The following STK33 variants were observed in gnomAD, a reference collection of about 807,000 sequenced individuals.
STK33 encodes serine/threonine-protein kinase 33.
Under a neutral mutation model 58.0 loss-of-function variants are expected in STK33, and 52 were observed. The observed-to-expected ratio is 0.90, with a 90% CI of 0.72 to 1.13. STK33 has a LOEUF of 1.13. Among genes scored for constraint, STK33 ranks in the 50% most tolerant of loss-of-function variants. STK33 has a pLI of 0.00. For synonymous variants in STK33, 215 were observed against 200.1 expected, an observed-to-expected ratio of 1.07 and a Z score of -0.63; for missense variants, 630 against 604.2, an observed-to-expected ratio of 1.04 and a Z score of -0.45.
intron 1 of STK33, among the ~76,000 whole-genome samples, chr11:8,536,669 A>C (rs1955023472): frequency 6.6e-6 from 1 of 152,086 alleles, no homozygotes; most frequent in South Asian, 2.1e-4. Flanking sequence ...TTTTTATTCA[A>C]TTGTTGTATT....
intron 14 of STK33, among the ~76,000 whole-genome samples, chr11:8,415,621 G>C (rs1276097931): frequency 6.6e-6 from 1 of 151,968 alleles, no homozygotes; most frequent in Non-Finnish European, 1.5e-5. Context: ...TGAGATTTGG[G>C]TGTCATTTGT....
Position 8,425,838 on chromosome 11 carries a change from G to C in STK33, c.1146+9656C>G, listed in dbSNP as rs568829996. Among the ~76,000 whole-genome samples, 10 of 142,564 alleles carry C rather than the reference G, an allele frequency of 7.0e-5. No individual in the cohort carries two copies. The East Asian group carries it at 2.0e-3, about 29-fold the overall frequency. The allele number at this position is 142,564 out of a possible 152,430, so 93.5% of individuals were successfully genotyped here. ...TCATCCCCTTGGCAGGGCATGCAGT[G>C]GGGGGTGTGGCTCGCTTCTTCTGTG... On this transcript the variant is annotated intron_variant, in intron 14 of 15. Coordinates refer to ENST00000687296, the MANE Select transcript of STK33 (RefSeq NM_001352389.2).
In STK33 at chr11:8,500,827, A is replaced by G. The variant is rs370845969; in HGVS notation, c.-465-20213T>C. Among the ~76,000 whole-genome samples the G allele has an allele frequency of 6.6e-5, 10 of 152,314 alleles. No individual in the cohort carries two copies. In the South Asian group the frequency reaches 1.0e-3, roughly 16 times the overall value. On this transcript the variant is annotated intron_variant, in intron 1 of 15. Transcript: ENST00000687296. ...CCAAACACTGTGGTACTGGCCTACA[A>G]CAGACATATAGATCATAGGACAGAA...
At chr11:8,557,359 T>TGGAAGGAAGGAA (rs147551157) in intron 1 of STK33, among the ~76,000 whole-genome samples, 1 of 116,146 alleles carries the variant, frequency 8.6e-6, no homozygotes, top group Non-Finnish European at 1.8e-5. Flanking sequence ...GAAAGAAGGA[T>TGGAAGGAAGGAA]GGAAGGAAGG....
intron 14 of STK33, among the ~76,000 whole-genome samples, chr11:8,420,838 A>G (rs778706597): frequency 6.6e-6 from 1 of 152,096 alleles, no homozygotes; most frequent in Non-Finnish European, 1.5e-5. Flanking sequence ...CTTTACAAAA[A>G]TAATTTTTTT....
chr11:8,400,655 A>C (rs1937697489), intron 15 of STK33, among the ~76,000 whole-genome samples: 1 of 152,228 alleles, frequency 6.6e-6, no homozygotes, highest in Non-Finnish European at 1.5e-5. Flanking sequence ...AAGGGTATTC[A>C]ATTAGGAAAA....
At chr11:8,430,815 A>G (rs1943326732) in intron 14 of STK33, among the ~76,000 whole-genome samples, 1 of 152,104 alleles carries the variant, frequency 6.6e-6, no homozygotes, top group South Asian at 2.1e-4. Flanking sequence ...CAATAATTGA[A>G]TACTGAGTAA....
At chr11:8,459,922 C>A (rs1271198336) in intron 8 of STK33, among the ~76,000 whole-genome samples, 1 of 152,184 alleles carries the variant, frequency 6.6e-6, no homozygotes, top group African/African-American at 2.4e-5. Context: ...ATCACTGGAG[C>A]TTACACACAG....
At chr11:8,492,476 A>G (rs1950701642) in intron 1 of STK33, among the ~76,000 whole-genome samples, 1 of 152,222 alleles carries the variant, frequency 6.6e-6, no homozygotes, top group Non-Finnish European at 1.5e-5. Flanking sequence ...AAAGAGACTT[A>G]GACTCCCACA....
intron 14 of STK33, among the ~76,000 whole-genome samples, chr11:8,416,433 A>G (rs937114987): frequency 4.6e-5 from 7 of 152,100 alleles, no homozygotes; most frequent in South Asian, 2.1e-4. Context: ...CTTTTGTCTC[A>G]TTTCCCTACA....
intron 10 of STK33, 28 bp from the exon 11 acceptor site, chr11:8,452,934 C>A (rs751391609): frequency 3.2e-5 from 51 of 1,581,062 alleles, no homozygotes; most frequent in Non-Finnish European, 4.3e-5. Context: ...AGCACAGTCA[C>A]CTGTTTTCCT....
intron 14 of STK33, among the ~76,000 whole-genome samples, chr11:8,434,640 C>A (rs11041921): frequency 0.11 from 16,274 of 152,144 alleles, 971 homozygotes; most frequent in African/African-American, 0.17. Context: ...TGGTTCCTTG[C>A]ATCTTGTTGC....
At chr11:8,352,026 C>T in the STK33 span, among the ~76,000 whole-genome samples, 16 of 152,364 alleles carry the variant, frequency 1.1e-4, no homozygotes, top group East Asian at 2.7e-3. Flanking sequence ...TCTGTCCCAT[C>T]ACCTTCCCCA....
chr11:8,351,215 G>C, the STK33 span, among the ~76,000 whole-genome samples: 1 of 151,986 alleles, frequency 6.6e-6, no homozygotes, highest in Admixed American at 6.6e-5. Flanking sequence ...AATCCAGCTG[G>C]AAGCCTTATT....
chr11:8,449,755 T>G (rs1046144344), intron 11 of STK33, among the ~76,000 whole-genome samples: 1 of 152,032 alleles, frequency 6.6e-6, no homozygotes, highest in Non-Finnish European at 1.5e-5. Context: ...GTTGTGCACA[T>G]GTACCCTAAA....
the STK33 span, among the ~76,000 whole-genome samples, chr11:8,365,959 C>T: frequency 1.3e-5 from 2 of 152,248 alleles, no homozygotes; most frequent in African/African-American, 2.4e-5. Flanking sequence ...CTGTCTGTCT[C>T]GGTCTATTTC....
intron 15 of STK33, among the ~76,000 whole-genome samples, chr11:8,400,081 T>A (rs1162304074): frequency 6.6e-6 from 1 of 152,092 alleles, no homozygotes; most frequent in Non-Finnish European, 1.5e-5. Context: ...ACTATTCCAA[T>A]CAATAGAAAA....
intron 6 of STK33, chr11:8,465,433 T>A (rs1236939446): frequency 6.6e-6 from 1 of 152,022 alleles, no homozygotes; most frequent in Non-Finnish European, 1.5e-5. Flanking sequence ...AAACCAAGAA[T>A]CCATCCTCTT....
At chr11:8,379,096 G>C in the STK33 span, among the ~76,000 whole-genome samples, 2 of 151,314 alleles carry the variant, frequency 1.3e-5, no homozygotes, top group East Asian at 1.9e-4. Context: ...GCCATATGTA[G>C]AACAATGAAA....
Sources: gnomAD v4.1 joint callset for allele counts (sites outside exome capture counted in the v4.1 genomes callset) on GRCh38, gnomAD v4.1.1 for gene constraint, MANE v1.5 for transcripts, NCBI Gene and HGNC (gene_info 2026-07-23, HGNC 2026-07-21) for gene names.